TUB: variants seen among roughly 807,000 people sequenced by gnomAD.
The protein encoded by TUB is TUB bipartite transcription factor, also known as tubby protein homolog.
Under a neutral mutation model 59.7 loss-of-function variants are expected in TUB, and 33 were observed. That is an observed-to-expected ratio of 0.55 (90% CI 0.42 to 0.74). TUB has a LOEUF of 0.74. Ranked by LOEUF, TUB falls within the 30% of genes least tolerant of loss-of-function variation. The pLI is 0.00. For synonymous variants in TUB, 293 were observed against 256.4 expected (o/e 1.14, Z -1.36); for missense variants, 659 against 672.0 (o/e 0.98, Z 0.21).
rs570187229 is a variant in TUB, at chr11:8,105,933, G to T, written c.*4314G>T. On this transcript the variant is annotated 3_prime_UTR_variant, in exon 12 of 12. Transcript: ENST00000299506. ...AGGAGGGTGCAGTATCTCTTGCTGGGAACACAGCCAGTTTTCACAATGCCT... is the reference window on the plus strand; with the variant it reads ...AGGAGGGTGCAGTATCTCTTGCTGGTAACACAGCCAGTTTTCACAATGCCT... The T allele has an allele frequency of 1.3e-5, 2 of 152,276 alleles. No homozygotes were observed. Among genetic ancestry groups the T allele is most frequent in the African/African-American group, 4.8e-5 (2 of 41,554 alleles). 9.4% of individuals were successfully genotyped at this position (152,276 alleles called of 1,614,324 possible).
chr11:8,091,089 T>C (rs1175112088), intron 3 of TUB, among the ~76,000 whole-genome samples: 1 of 152,062 alleles, frequency 6.6e-6, no homozygotes, highest in Non-Finnish European at 1.5e-5. Context: ...TTCTGTGGCT[T>C]CGTTATGACC....
chr11:8,057,743 AC>A (rs1261898092), intron 2 of TUB, among the ~76,000 whole-genome samples: 6 of 152,124 alleles, frequency 3.9e-5, no homozygotes, highest in Non-Finnish European at 7.3e-5. Context: ...AACTTGTTTA[AC>A]CTTAAACGAG....
At chr11:8,084,362 G>C (rs1943627008) in intron 1 of TUB, among the ~76,000 whole-genome samples, 1 of 152,198 alleles carries the variant, frequency 6.6e-6, no homozygotes, top group African/African-American at 2.4e-5. Context: ...TTAACAATTG[G>C]AATGTTTTTG....
In TUB at chr11:8,031,821, C is replaced by A. The variant is rs559907817; in HGVS notation, c.56+12463C>A. Among the ~76,000 whole-genome samples the A allele has an allele frequency of 5.3e-5, 8 of 152,344 alleles. 1 individual carries two copies. The South Asian group carries it at 1.7e-3, about 32-fold the overall frequency. The stretch of plus-strand genomic sequence containing the variant: ...ACAGCTTGGGGGCCACAGGGCCAGT[C>A]TCGCAGGGCAGGGGTCGATTCCAGT... On this transcript the variant is annotated intron_variant, in intron 1 of 11. Coordinates refer to the TUB transcript ENST00000534099.
Position 8,082,167 on chromosome 11 carries a change from A to G in TUB, c.38+619A>G, listed in dbSNP as rs764161902. 2.6e-5 allele frequency among the ~76,000 whole-genome samples: 4 copies of G among 152,334 alleles called. No homozygotes were observed. The South Asian group carries it at 8.3e-4, about 32-fold the overall frequency. ...TGCTTCTCACTCACAAGTGCTACTCAGTCTCTTTCAGACACTGAATAATCT... is the reference window on the plus strand; with the variant it reads ...TGCTTCTCACTCACAAGTGCTACTCGGTCTCTTTCAGACACTGAATAATCT... On this transcript the variant is annotated intron_variant, in intron 1 of 11. Coordinates refer to ENST00000299506, the MANE Select transcript of TUB (RefSeq NM_177972.3).
At chr11:8,072,878 T>G (rs933605495) in intron 2 of TUB, among the ~76,000 whole-genome samples, 1 of 152,200 alleles carries the variant, frequency 6.6e-6, no homozygotes, top group Non-Finnish European at 1.5e-5. Flanking sequence ...AAGCGAGAAT[T>G]CTCACCTTAT....
Position 8,101,575 on chromosome 11 carries a change from G to A in TUB, c.1477G>A (p.Ala493Thr), listed in dbSNP as rs764350216. ...CCCGCTGTGTGCACTGCAGGCCTTTGCCATTGCCCTGTCCAGCTTCGACAG... is the reference window on the plus strand; with the variant it reads ...CCCGCTGTGTGCACTGCAGGCCTTTACCATTGCCCTGTCCAGCTTCGACAG... ...NYPLCALQAF[A>T]IALSSFDSKL... The change falls in exon 12 of 12, where the codon GCC becomes ACC. Residue 493 changes from alanine (A) to threonine (T), a missense_variant. Ala to Thr is a moderately conservative substitution (Grantham distance 58). Around this residue, in one of 3 missense-constraint regions of TUB, gnomAD observed 226 missense variants for 210.8 expected, o/e 1.07. Coordinates refer to ENST00000299506, the MANE Select transcript of TUB (RefSeq NM_177972.3). 28 of 1,614,122 alleles carry A rather than the reference G, an allele frequency of 1.7e-5. No homozygotes were observed. The highest frequency in any genetic ancestry group is 5.3e-5 in the African/African-American group (4 of 74,946).
At chr11:8,020,748 G>A (rs1006194064) in intron 1 of TUB, among the ~76,000 whole-genome samples, 18 of 152,116 alleles carry the variant, frequency 1.2e-4, no homozygotes, top group Non-Finnish European at 5.9e-5. Context: ...TTTGAAAAGT[G>A]GTGCTCTCCA....
intron 1 of TUB, among the ~76,000 whole-genome samples, chr11:8,029,594 G>T (rs1942543426): frequency 6.6e-6 from 1 of 152,056 alleles, no homozygotes. Context: ...TCACCAATTT[G>T]GTCAGGCTGG....
intron 3 of TUB, among the ~76,000 whole-genome samples, chr11:8,092,972 CTTAAATATTTA>C: frequency 6.6e-6 from 1 of 152,090 alleles, no homozygotes; most frequent in South Asian, 2.1e-4. Flanking sequence ...TCATTCAGTT[CTTAAATATTTA>C]TTGAGGTTTG....
chr11:8,020,588 G>A (rs1387794286), intron 1 of TUB, among the ~76,000 whole-genome samples: 2 of 152,102 alleles, frequency 1.3e-5, no homozygotes, highest in South Asian at 2.1e-4. Context: ...CGAGATGGGC[G>A]CAACTGATCC....
intron 2 of TUB, among the ~76,000 whole-genome samples, chr11:8,064,759 G>A (rs1333190762): frequency 6.6e-6 from 1 of 152,212 alleles, no homozygotes; most frequent in African/African-American, 2.4e-5. Flanking sequence ...GGGCCACAGG[G>A]CCTCCTGGGA....
intron 1 of TUB, among the ~76,000 whole-genome samples, chr11:8,084,521 C>T (rs533270179): frequency 1.3e-5 from 2 of 152,302 alleles, no homozygotes; most frequent in South Asian, 2.1e-4. Flanking sequence ...CTGCGGCCCA[C>T]GGCGTATTGG....
chr11:8,059,812 C>T (rs1221878916), intron 2 of TUB, among the ~76,000 whole-genome samples: 47 of 152,036 alleles, frequency 3.1e-4, no homozygotes, highest in Non-Finnish European at 2.9e-5. Flanking sequence ...GTGACATGCT[C>T]GGGTTGGCTT....
At chr11:8,071,802 C>T (rs879434833) in intron 2 of TUB, among the ~76,000 whole-genome samples, 2 of 152,214 alleles carry the variant, frequency 1.3e-5, no homozygotes, top group Non-Finnish European at 2.9e-5. Flanking sequence ...GCTAGAGGAA[C>T]ACACAGTGGC....
chr11:8,085,365 C>A lies in TUB; in HGVS notation c.38+3817C>A, dbSNP rs138464745. ...GCCAGCAGTTTGAATGCACCTGATA[C>A]ATTTGGGAACTGCTGGCTGGAATGG... On this transcript the variant is annotated intron_variant, in intron 1 of 11. Transcript: ENST00000299506. Among the ~76,000 whole-genome samples, 275 of 152,338 alleles carry A rather than the reference C, an allele frequency of 1.8e-3. 3 individuals are homozygous for A. The highest frequency in any genetic ancestry group is 1.2e-3 in the African/African-American group (48 of 41,566).
intron 1 of TUB, chr11:8,039,455 C>T (rs1279736965): frequency 8.3e-6 from 4 of 483,930 alleles, no homozygotes; most frequent in Non-Finnish European, 1.4e-5. Flanking sequence ...GCCTGCCATC[C>T]GGGGCCCACA....
At chr11:8,074,660 G>T (rs1943416800) in intron 2 of TUB, among the ~76,000 whole-genome samples, 1 of 150,962 alleles carries the variant, frequency 6.6e-6, no homozygotes, top group African/African-American at 2.4e-5. Context: ...GATCACTTGA[G>T]CCCAGGAGTT....
chr11:8,077,430 T>C (rs1456133773), upstream of TUB: 1 of 152,252 alleles, frequency 6.6e-6, no homozygotes, highest in Non-Finnish European at 1.5e-5. Context: ...GGTTTGCACC[T>C]TGGTTTTCAA....
Sources: gnomAD v4.1 joint callset for allele counts (sites outside exome capture counted in the v4.1 genomes callset) on GRCh38, gnomAD v4.1.1 for gene constraint, gnomAD v4.1.1 regional missense constraint, MANE v1.5 for transcripts, NCBI Gene and HGNC (gene_info 2026-07-23, HGNC 2026-07-21) for gene names.